A2ML1: variants seen among roughly 807,000 people sequenced by gnomAD.
The protein encoded by A2ML1 is alpha-2-macroglobulin-like protein 1.
In A2ML1, 161 loss-of-function variants were observed where a neutral mutation model predicts 181.9. The ratio of observed to expected loss-of-function variants is 0.89; its 90% CI spans 0.78 to 1.01. A2ML1 has a LOEUF of 1.01. A2ML1 is among the 50% of genes least tolerant of loss of function. The pLI is 0.00. For missense variants in A2ML1, 1,670 were observed against 1,768.1 expected, an observed-to-expected ratio of 0.94 and a Z score of 1.00; for synonymous variants, 663 against 666.8, an observed-to-expected ratio of 0.99 and a Z score of 0.09.
chr12:8,866,720 G>A (rs1360409294), intron 29 of A2ML1, among the ~76,000 whole-genome samples: 1 of 152,206 alleles, frequency 6.6e-6, no homozygotes, highest in African/African-American at 2.4e-5. Flanking sequence ...TGGTGAAGCT[G>A]CACAGATAGA....
intron 32 of A2ML1, 74 bp from the exon 33 acceptor site, chr12:8,869,061 G>A: frequency 7.0e-7 from 1 of 1,431,724 alleles, no homozygotes; most frequent in Non-Finnish European, 9.8e-7. Context: ...CCTTGATCAT[G>A]GCAGAGCTTT....
At chr12:8,845,874 T>TAAAATAAAAA (rs1368546381) in intron 13 of A2ML1, among the ~76,000 whole-genome samples, 1 of 97,826 alleles carries the variant, frequency 1.0e-5, no homozygotes. Flanking sequence ...ATAAATAAAA[T>TAAAATAAAAA]AAAATAAAAT....
At chr12:8,832,378 T>C (rs775170284) in intron 4 of A2ML1, among the ~76,000 whole-genome samples, 2 of 152,214 alleles carry the variant, frequency 1.3e-5, no homozygotes, top group Non-Finnish European at 2.9e-5. Context: ...TCTAATCTTG[T>C]AGCTAATTTG....
Position 8,852,272 on chromosome 12 carries a change from C to T in A2ML1, c.2526C>T (p.Thr842=). The change falls in exon 20 of 36, where the codon ACC becomes ACT. Residue 842 remains threonine, a synonymous_variant. Transcript: ENST00000299698. The surrounding 1 kb of genome is among the most constrained non-coding windows in gnomAD (Gnocchi z 4.2). ...YQLESWADSQ[T]SSCLCADDAK... ...TAGAATCATGGGCAGATTCTCAGACCTCCAGTTGTCTCTGTGCTGATGACG... is the reference window on the plus strand; with the variant it reads ...TAGAATCATGGGCAGATTCTCAGACTTCCAGTTGTCTCTGTGCTGATGACG... The T allele has an allele frequency of 5.6e-6, 9 of 1,614,134 alleles. No homozygotes were observed. Among genetic ancestry groups the T allele is most frequent in the Non-Finnish European group, 6.8e-6 (8 of 1,180,008 alleles).
Position 8,836,250 on chromosome 12 carries a change from T to C in A2ML1, c.644-5T>C, listed in dbSNP as rs769537819. 2.1e-5 allele frequency: 34 copies of C among 1,613,770 alleles called. No homozygotes were observed. Among genetic ancestry groups the C allele is most frequent in the Middle Eastern group, 1.7e-4 (1 of 6,060 alleles). ...TTTCTCCATTTCTCCTTTTACTCTC[T>C]TCAGTGCTGCCGAAGTTTAAGGTGG... On this transcript the variant is annotated splice_region_variant and splice_polypyrimidine_tract_variant and intron_variant, in intron 6 of 35. Transcript: ENST00000299698.
chr12:8,844,709 A>C (rs903987397), intron 12 of A2ML1, among the ~76,000 whole-genome samples: 2 of 152,130 alleles, frequency 1.3e-5, no homozygotes, highest in Admixed American at 1.3e-4. Context: ...GTGAAAAAAA[A>C]AAAATCATCC....
intron 4 of A2ML1, among the ~76,000 whole-genome samples, chr12:8,832,277 G>C (rs73251228): frequency 6.6e-6 from 1 of 152,144 alleles, no homozygotes. Flanking sequence ...CGCTGATCTT[G>C]GGTTTTACAA....
intron 26 of A2ML1, 150 bp downstream of exon 26, chr12:8,858,252 C>G: frequency 1.1e-6 from 1 of 907,858 alleles, no homozygotes; most frequent in Non-Finnish European, 1.6e-6. Context: ...AAATGCTTAG[C>G]TGGTCTGGGC....
chr12:8,881,111 T>C (rs913433761), downstream of A2ML1, among the ~76,000 whole-genome samples: 1 of 152,124 alleles, frequency 6.6e-6, no homozygotes, highest in Admixed American at 6.6e-5. Context: ...CTGCCAGAAT[T>C]CTAGACTGTG....
intron 18 of A2ML1, 90 bp downstream of exon 18, chr12:8,850,364 C>T: frequency 1.1e-6 from 1 of 915,864 alleles, no homozygotes; most frequent in South Asian, 1.8e-5. Flanking sequence ...GAGGGAGGAT[C>T]ACTTGAGACC....
At chr12:8,825,157 TC>T (rs1375904978) in intron 3 of A2ML1, among the ~76,000 whole-genome samples, 37 of 152,218 alleles carry the variant, frequency 2.4e-4, no homozygotes, top group Admixed American at 4.6e-4. Context: ...TTAGTTTTTT[TC>T]AGAAACCTCC....
chr12:8,852,581 G>A lies in A2ML1; in HGVS notation c.2590+245G>A, dbSNP rs1389774580. ...GCTTTTAATATTTATAGCTGGACAA[G>A]GAATACATGGTCATGTAACTAATCA... On this transcript the variant is annotated intron_variant, in intron 20 of 35. Coordinates refer to ENST00000299698, the MANE Select transcript of A2ML1 (RefSeq NM_144670.6). The surrounding 1 kb of genome is among the most constrained non-coding windows in gnomAD (Gnocchi z 4.2). Among the ~76,000 whole-genome samples, 2 of 152,190 alleles carry A rather than the reference G, an allele frequency of 1.3e-5. No individual in the cohort carries two copies. The highest frequency in any genetic ancestry group is 2.9e-5 in the Non-Finnish European group (2 of 68,044).
rs1162247505 is a variant in A2ML1 at position 8,848,743 on chromosome 12, G to A, written c.1857G>A (p.Trp619Ter). The change falls in exon 16 of 36, where the codon TGG (tryptophan) becomes TGA (stop). Residue 619 changes from tryptophan to a stop codon, truncating the protein, a stop_gained. Transcript: ENST00000299698. LOFTEE classifies it high-confidence loss of function. ...AGGTCTATGGGATGTTTCCATTCTG[G>A]TATGGTCACTACCCCTATCAAGTGG... ...NRSVYGMFPF[W>*]YGHYPYQVAE... 8 of 1,611,018 alleles carry A rather than the reference G, an allele frequency of 5.0e-6. No individual in the cohort carries two copies. Among genetic ancestry groups the A allele is most frequent in the Non-Finnish European group, 6.8e-6 (8 of 1,178,920 alleles).
At chr12:8,845,046 CACTG>C in intron 12 of A2ML1, 1 of 1,430,068 alleles carries the variant, frequency 7.0e-7, no homozygotes, top group Non-Finnish European at 9.1e-7. Context: ...AAATTATTTC[CACTG>C]AATTTTAAAT....
Position 8,869,182 on chromosome 12 carries a change from A to T in A2ML1, c.4200A>T (p.Thr1400=). The change falls in exon 33 of 36, where the codon ACA becomes ACT. Residue 1400 remains threonine, a synonymous_variant. Transcript: ENST00000299698. ...AGAAGGTTGAATTTGGAACTGACACACTTAACATTTACTTGGATGAGGTAG... is the reference window on the plus strand; with the variant it reads ...AGAAGGTTGAATTTGGAACTGACACTCTTAACATTTACTTGGATGAGGTAG... ...LVKKVEFGTD[T]LNIYLDELIK... 1 of 1,613,958 alleles carries T rather than the reference A, an allele frequency of 6.2e-7. No homozygotes were observed. The highest frequency in any genetic ancestry group is 8.5e-7 in the Non-Finnish European group (1 of 1,179,966).
intron 7 of A2ML1, among the ~76,000 whole-genome samples, chr12:8,884,648 T>C (rs1045038167): frequency 6.6e-6 from 1 of 152,272 alleles, no homozygotes; most frequent in Non-Finnish European, 1.5e-5. Context: ...GTGATTCTCC[T>C]GTCTCAGGCT....
intron 12 of A2ML1, chr12:8,845,180 G>T (rs1460522625): frequency 6.5e-7 from 1 of 1,529,832 alleles, no homozygotes; most frequent in Admixed American, 2.0e-5. Context: ...CTATGGTGAG[G>T]AACAATTTCT....
At chr12:8,884,239 T>A (rs1303780118) in intron 7 of A2ML1, among the ~76,000 whole-genome samples, 2 of 129,436 alleles carry the variant, frequency 1.5e-5, no homozygotes, top group East Asian at 3.0e-4. Flanking sequence ...TTGTTTTTTT[T>A]TGTTTTGTTT....
At position 8,838,373 on chromosome 12, in the gene A2ML1, T is replaced by C; in HGVS notation, c.893T>C (p.Met298Thr). 1 of 1,613,906 alleles carries C rather than the reference T, an allele frequency of 6.2e-7. No individual in the cohort carries two copies. The highest frequency in any genetic ancestry group is 8.5e-7 in the Non-Finnish European group (1 of 1,179,854). The stretch of plus-strand genomic sequence containing the variant: ...GGATGTTTCTCAGCACCTGTGGACA[T>C]GGCCACCTTTGACCTCATTGGATAT... ...KTGCFSAPVD[M>T]ATFDLIGYAY... The change falls in exon 9 of 36, where the codon ATG (methionine) becomes ACG (threonine). Residue 298 changes from methionine to threonine, a missense_variant. Met to Thr is a moderately conservative substitution (Grantham distance 81). Transcript: ENST00000299698.
Sources: allele counts gnomAD v4.1 joint callset (sites outside exome capture counted in the v4.1 genomes callset), GRCh38; gene constraint gnomAD v4.1.1; non-coding constraint Gnocchi (gnomAD v3.1); transcripts MANE v1.5; gene names NCBI Gene and HGNC (gene_info 2026-07-23, HGNC 2026-07-21).